The following SCIMP variants were observed in gnomAD, a reference collection of about 807,000 sequenced individuals.
The protein encoded by SCIMP is SLP adaptor and CSK interacting membrane protein.
A neutral mutation model predicts 22.0 loss-of-function variants in SCIMP; 18 were observed. The observed-to-expected ratio is 0.82, with a 90% CI of 0.56 to 1.21. The LOEUF (loss-of-function observed/expected upper bound fraction) is 1.21. SCIMP is among the 50% of genes most tolerant of loss of function. The pLI, the probability that SCIMP is intolerant of heterozygous loss-of-function variation, is 0.00. For missense variants in SCIMP, 155 were observed against 171.2 expected (o/e 0.91, Z 0.53); for synonymous variants, 53 against 62.2 (o/e 0.85, Z 0.70).
At chr17:5,217,378 GC>G (rs2144315397) in intron 3 of SCIMP, among the ~76,000 whole-genome samples, 1 of 110,400 alleles carries the variant, frequency 9.1e-6, no homozygotes, top group African/African-American at 3.9e-5. Context: ...TTTTTTGTTT[GC>G]TTGTGTGTGT....
chr17:5,231,723 T>G (rs1005644787), intron 1 of SCIMP, among the ~76,000 whole-genome samples: 1 of 152,156 alleles, frequency 6.6e-6, no homozygotes, highest in Admixed American at 6.6e-5. Context: ...ATCTCCTCAC[T>G]TGGCTGCCTC....
At position 5,228,290 on chromosome 17, in the gene SCIMP, G is replaced by A. The variant is rs1185836122; in HGVS notation, c.22-4834C>T. On this transcript the variant is annotated intron_variant, in intron 1 of 4. Coordinates refer to ENST00000574081, the MANE Select transcript of SCIMP (RefSeq NM_207103.3). ...GAGCCCAGGAAGTTGAGGCTGTAGT[G>A]AGCTGCAGTCACGCCACTGCACTGC... Among the ~76,000 whole-genome samples the A allele has an allele frequency of 7.9e-5, 12 of 151,150 alleles. No individual in the cohort carries two copies. The Admixed American group carries it at 7.9e-4, about 10-fold the overall frequency.
chr17:5,229,384 C>CG (rs2074675857), intron 1 of SCIMP, among the ~76,000 whole-genome samples: 1 of 59,284 alleles, frequency 1.7e-5, no homozygotes. Flanking sequence ...GTTTATTTAG[C>CG]TTTTTTTTTT....
Position 5,234,716 on chromosome 17 carries a change from G to A in SCIMP, c.21+19C>T. ...TGAAGAGAGCAGGAAACTGTCCCTT[G>A]GAAAGCTGAGATGCTTACCTGAACT... On this transcript the variant is annotated intron_variant, in intron 1 of 4. Coordinates refer to ENST00000574081, the MANE Select transcript of SCIMP (RefSeq NM_207103.3). 1.2e-6 allele frequency: 2 copies of A among 1,611,462 alleles called. No homozygotes were observed. The highest frequency in any genetic ancestry group is 2.2e-5 in the South Asian group (2 of 90,338).
intron 3 of SCIMP, among the ~76,000 whole-genome samples, chr17:5,215,672 A>C (rs2074560598): frequency 6.6e-6 from 1 of 152,184 alleles, no homozygotes; most frequent in African/African-American, 2.4e-5. Context: ...AGCAGAATGT[A>C]CACACACCTT....
At chr17:5,212,658 T>C (rs1296923172) in intron 4 of SCIMP, among the ~76,000 whole-genome samples, 1 of 152,160 alleles carries the variant, frequency 6.6e-6, no homozygotes, top group Non-Finnish European at 1.5e-5. Flanking sequence ...CAAAAAAATG[T>C]ACCTGGCTTG....
At chr17:5,216,621 G>T (rs772704277) in intron 3 of SCIMP, among the ~76,000 whole-genome samples, 1 of 151,962 alleles carries the variant, frequency 6.6e-6, no homozygotes, top group African/African-American at 2.4e-5. Flanking sequence ...AGCCAAGATC[G>T]CGCCACTGCA....
chr17:5,231,990 A>C (rs995023171), intron 1 of SCIMP, among the ~76,000 whole-genome samples: 2 of 152,050 alleles, frequency 1.3e-5, no homozygotes, highest in Non-Finnish European at 2.9e-5. Flanking sequence ...CGGGAGGCGG[A>C]GCTTGCAGTG....
intron 3 of SCIMP, among the ~76,000 whole-genome samples, chr17:5,219,659 A>G (rs1321904175): frequency 4.6e-5 from 7 of 152,124 alleles, no homozygotes; most frequent in Non-Finnish European, 8.8e-5. Context: ...GTCTTTGTAT[A>G]TCTGGGAGCC....
chr17:5,228,164 T>A (rs2074665872), intron 1 of SCIMP, among the ~76,000 whole-genome samples: 1 of 146,730 alleles, frequency 6.8e-6, no homozygotes, highest in South Asian at 2.2e-4. Flanking sequence ...AGAGCTAGAC[T>A]CCTTCTCCAA....
At chr17:5,234,186 G>A (rs187633272) in intron 1 of SCIMP, among the ~76,000 whole-genome samples, 3 of 152,108 alleles carry the variant, frequency 2.0e-5, no homozygotes, top group Non-Finnish European at 4.4e-5. Flanking sequence ...CAGGAGAATC[G>A]CTTGAACCCG....
At chr17:5,229,869 T>G (rs1355656840) in intron 1 of SCIMP, among the ~76,000 whole-genome samples, 1 of 127,692 alleles carries the variant, frequency 7.8e-6, no homozygotes, top group East Asian at 2.7e-4. Flanking sequence ...TCCTTTCTCC[T>G]CTCTGCTCCT....
intron 3 of SCIMP, among the ~76,000 whole-genome samples, chr17:5,219,147 G>A (rs62072766): frequency 7.5e-4 from 114 of 151,370 alleles, no homozygotes; most frequent in Middle Eastern, 3.2e-3. Context: ...GCGAAACCCC[G>A]TCTCTACTAA....
intron 1 of SCIMP, among the ~76,000 whole-genome samples, chr17:5,232,833 C>T (rs138983263): frequency 0.019 from 2,953 of 152,122 alleles, 110 homozygotes; most frequent in African/African-American, 0.066. Context: ...TGTCAGCCTC[C>T]TGAGTAGCTG....
chr17:5,210,049 T>A lies in SCIMP; in HGVS notation c.*752A>T, dbSNP rs1000481513. On this transcript the variant is annotated 3_prime_UTR_variant, in exon 5 of 5. Coordinates refer to ENST00000574081, the MANE Select transcript of SCIMP (RefSeq NM_207103.3). ...CCTGTAGCACCCCCAACACACCTAT[T>A]GCAAAATGATGCTTCTAGGTGTAAA... 2 of 152,216 alleles carry A rather than the reference T, an allele frequency of 1.3e-5. No homozygotes were observed. The highest frequency in any genetic ancestry group is 4.1e-4 in the South Asian group (2 of 4,832). The allele number at this position is 152,216 out of a possible 1,614,324, so 9.4% of individuals were successfully genotyped here. A position where few individuals can be genotyped will look rare whatever the true frequency, so the allele number is the denominator to read the frequency against.
At chr17:5,211,567 C>A (rs1185256451) in intron 4 of SCIMP, among the ~76,000 whole-genome samples, 1 of 151,964 alleles carries the variant, frequency 6.6e-6, no homozygotes, top group East Asian at 1.9e-4. Flanking sequence ...GACCAGAGCC[C>A]AGTAGTCATA....
intron 1 of SCIMP, among the ~76,000 whole-genome samples, chr17:5,228,284 T>G (rs910858802): frequency 6.6e-6 from 1 of 151,152 alleles, no homozygotes; most frequent in African/African-American, 2.4e-5. Flanking sequence ...AAGTTGAGGC[T>G]GTAGTGAGCT....
At chr17:5,218,414 A>G (rs927275770) in intron 3 of SCIMP, among the ~76,000 whole-genome samples, 3 of 151,434 alleles carry the variant, frequency 2.0e-5, no homozygotes, top group African/African-American at 7.3e-5. Flanking sequence ...ATCTTGGATC[A>G]CTGCAACCTC....
At chr17:5,233,008 C>T (rs981113408) in intron 1 of SCIMP, among the ~76,000 whole-genome samples, 12 of 152,040 alleles carry the variant, frequency 7.9e-5, no homozygotes, top group African/African-American at 1.7e-4. Context: ...CACTGAGCCT[C>T]GCTCCACTTG....
Sources: gnomAD v4.1 joint callset for allele counts (sites outside exome capture counted in the v4.1 genomes callset) on GRCh38, gnomAD v4.1.1 for gene constraint, MANE v1.5 for transcripts, NCBI Gene and HGNC (gene_info 2026-07-23, HGNC 2026-07-21) for gene names.